Variants in MAN2B2 observed in about 807,000 individuals in gnomAD.
MAN2B2 encodes epididymis-specific alpha-mannosidase.
In MAN2B2, 106 loss-of-function variants were observed where a neutral mutation model predicts 117.1. That is an observed-to-expected ratio of 0.90 (90% CI 0.77 to 1.06). MAN2B2 has a LOEUF of 1.06. Among genes scored for constraint, MAN2B2 ranks in the 50% least tolerant of loss-of-function variants. The pLI, the probability that MAN2B2 is intolerant of heterozygous loss-of-function variation, is 0.00. For missense variants in MAN2B2, 1,326 were observed against 1,381.4 expected, an observed-to-expected ratio of 0.96 and a Z score of 0.64; for synonymous variants, 544 against 595.1, an observed-to-expected ratio of 0.91 and a Z score of 1.25.
chr4:6,576,965 C>T (rs1726088240), intron 2 of MAN2B2, among the ~76,000 whole-genome samples: 2 of 152,160 alleles, frequency 1.3e-5, no homozygotes, highest in Admixed American at 1.3e-4. Context: ...ACTGCCAGCT[C>T]TGGCAACCCA....
At chr4:6,579,319 TCACCACCACCACCAC>T (rs748293245) in intron 3 of MAN2B2, among the ~76,000 whole-genome samples, 4 of 17,390 alleles carry the variant, frequency 2.3e-4, no homozygotes, top group South Asian at 2.7e-3. Flanking sequence ...ACCACCACCA[TCACCACCACCACCAC>T]CACCACCATC....
chr4:6,575,427 C>T, intron 1 of MAN2B2, 79 bp downstream of exon 1: 1 of 1,163,304 alleles, frequency 8.6e-7, no homozygotes, highest in Non-Finnish European at 1.2e-6. Flanking sequence ...GGGTTTGCGT[C>T]CCGGGGCCCG....
chr4:6,585,136 C>T (rs1042643108), intron 3 of MAN2B2, among the ~76,000 whole-genome samples: 1 of 152,132 alleles, frequency 6.6e-6, no homozygotes, highest in African/African-American at 2.4e-5. Context: ...CCCCCTGATC[C>T]CCTCTCACCT....
chr4:6,594,745 AG>A lies in MAN2B2; in HGVS notation c.1057+17del. The A allele has an allele frequency of 6.2e-7, 1 of 1,603,556 alleles. No individual in the cohort carries two copies. The highest frequency in any genetic ancestry group is 8.5e-7 in the Non-Finnish European group (1 of 1,176,298). ...CCCTATTCCACAGGTACAGGCTTCC[AG>A]GGGCTGGGGTGGTAGTTTGGTGGCA... On this transcript the variant is annotated intron_variant, in intron 7 of 18. Coordinates refer to ENST00000285599, the MANE Select transcript of MAN2B2 (RefSeq NM_015274.3).
intron 5 of MAN2B2, among the ~76,000 whole-genome samples, chr4:6,590,093 C>T (rs966749414): frequency 2.7e-5 from 4 of 149,192 alleles, no homozygotes; most frequent in Non-Finnish European, 5.9e-5. Flanking sequence ...AAAAATAGGC[C>T]GGGCACAGTA....
chr4:6,618,510 G>A (rs984592200), intron 17 of MAN2B2: 5 of 152,234 alleles, frequency 3.3e-5, no homozygotes, highest in African/African-American at 1.2e-4. Flanking sequence ...TTGCCCAGAA[G>A]GTTGCTGAGA....
chr4:6,593,804 T>C (rs561363861), intron 6 of MAN2B2, among the ~76,000 whole-genome samples: 2 of 152,282 alleles, frequency 1.3e-5, no homozygotes, highest in East Asian at 3.9e-4. Context: ...CACTGCCCCG[T>C]GGGATATATT....
At chr4:6,577,271 A>T (rs1726101608) in intron 2 of MAN2B2, among the ~76,000 whole-genome samples, 1 of 152,076 alleles carries the variant, frequency 6.6e-6, no homozygotes, top group Non-Finnish European at 1.5e-5. Flanking sequence ...CACAGATTCC[A>T]CTTCTATTAA....
At chr4:6,579,104 A>C (rs1474946043) in intron 3 of MAN2B2, among the ~76,000 whole-genome samples, 1 of 96,192 alleles carries the variant, frequency 1.0e-5, no homozygotes, top group Non-Finnish European at 2.1e-5. Context: ...CACCAGCACC[A>C]CCACCATCAC....
chr4:6,579,488 T>TTC, intron 3 of MAN2B2, among the ~76,000 whole-genome samples: 1 of 118,982 alleles, frequency 8.4e-6, no homozygotes, highest in African/African-American at 3.3e-5. Flanking sequence ...TCACTACCAC[T>TTC]ACCATCACCA....
intron 3 of MAN2B2, among the ~76,000 whole-genome samples, chr4:6,584,773 CAG>C (rs1334993531): frequency 1.3e-5 from 2 of 152,204 alleles, no homozygotes; most frequent in African/African-American, 4.8e-5. Flanking sequence ...AGCTGCCAGA[CAG>C]AGAGAACCAA....
At chr4:6,608,005 G>A (rs185506288) in intron 11 of MAN2B2, among the ~76,000 whole-genome samples, 2 of 152,318 alleles carry the variant, frequency 1.3e-5, no homozygotes, top group Admixed American at 1.3e-4. Context: ...ATCTCTTCAT[G>A]TACTTACTGG....
chr4:6,576,809 G>A (rs1272888377), intron 2 of MAN2B2, 85 bp downstream of exon 2: 2 of 1,527,044 alleles, frequency 1.3e-6, no homozygotes, highest in African/African-American at 2.7e-5. Flanking sequence ...TTCTAGCCAG[G>A]GCCAGGGCCA....
At chr4:6,603,735 A>T (rs1203823414) in intron 10 of MAN2B2, among the ~76,000 whole-genome samples, 2 of 151,704 alleles carry the variant, frequency 1.3e-5, no homozygotes, top group Non-Finnish European at 2.9e-5. Context: ...AAAATATGGA[A>T]TATGATAGGC....
At chr4:6,609,700 T>G in intron 12 of MAN2B2, 98 bp from the exon 13 acceptor site, 5 of 539,468 alleles carry the variant, frequency 9.3e-6, no homozygotes, top group Non-Finnish European at 1.0e-5. Context: ...CGGCGTACCC[T>G]GCCCTGCCCA....
chr4:6,604,862 G>A (rs756156482), intron 10 of MAN2B2, among the ~76,000 whole-genome samples, 193 bp from the exon 11 acceptor site: 8 of 152,082 alleles, frequency 5.3e-5, no homozygotes, highest in Admixed American at 1.3e-4. Context: ...TCTTCAGGTC[G>A]CTGAAGGGTT....
Position 6,576,595 on chromosome 4 carries a change from C to T in MAN2B2, c.156C>T (p.Tyr52=), listed in dbSNP as rs770363234. 78 of 1,613,102 alleles carry T rather than the reference C, an allele frequency of 4.8e-5. No homozygotes were observed. The highest frequency in any genetic ancestry group is 5.8e-5 in the Non-Finnish European group (69 of 1,179,664). Residue 52 remains tyrosine (Y), a synonymous_variant, in exon 2 of 19, where the codon TAC becomes TAT. Transcript: ENST00000285599. The stretch of plus-strand genomic sequence containing the variant: ...CTCCCCAGGAAAGCATGCGGGCGTA[C>T]GCCGCCAATGTCTACACCTCAGTGG... ...VYTVQESMRA[Y]AANVYTSVVE...
At chr4:6,591,348 A>G (rs1726853032) in intron 5 of MAN2B2, among the ~76,000 whole-genome samples, 1 of 152,240 alleles carries the variant, frequency 6.6e-6, no homozygotes, top group South Asian at 2.1e-4. Flanking sequence ...GGTGACGTCC[A>G]TAGCAGCTTC....
At chr4:6,603,014 T>G (rs1453966384) in intron 10 of MAN2B2, among the ~76,000 whole-genome samples, 1 of 151,964 alleles carries the variant, frequency 6.6e-6, no homozygotes, top group Non-Finnish European at 1.5e-5. Context: ...TTGTATGGGC[T>G]GATCCCTAGA....
Sources: gnomAD v4.1 joint callset for allele counts (sites outside exome capture counted in the v4.1 genomes callset) on GRCh38, gnomAD v4.1.1 for gene constraint, MANE v1.5 for transcripts, NCBI Gene and HGNC (gene_info 2026-07-23, HGNC 2026-07-21) for gene names.